PSG4: variants seen among roughly 807,000 people sequenced by gnomAD.
PSG4 encodes pregnancy specific beta-1-glycoprotein 4, also known as pregnancy-specific beta-1-glycoprotein 4.
A neutral mutation model predicts 44.3 loss-of-function variants in PSG4; 61 were observed. The ratio of observed to expected loss-of-function variants is 1.38; its 90% CI spans 1.12 to 1.70. PSG4 has a LOEUF of 1.70. Among genes scored for constraint, PSG4 ranks in the 40% most tolerant of loss-of-function variants. PSG4 has a pLI of 0.00. For missense variants in PSG4, 677 were observed against 511.7 expected, an observed-to-expected ratio of 1.32 and a Z score of -3.12; for synonymous variants, 248 against 191.3, an observed-to-expected ratio of 1.30 and a Z score of -2.45.
Position 43,195,115 on chromosome 19 carries a change from T to G in PSG4, c.868A>C (p.Ile290Leu), listed in dbSNP as rs1967181065. 1 of 1,610,762 alleles carries G rather than the reference T, an allele frequency of 6.2e-7. No homozygotes were observed. Among genetic ancestry groups the G allele is most frequent in the Non-Finnish European group, 8.5e-7 (1 of 1,179,080 alleles). The change falls in exon 4 of 6, where the codon ATT becomes CTT. Residue 290 changes from isoleucine to leucine, a missense_variant. Ile to Leu is a conservative substitution (Grantham distance 5). Transcript: ENST00000405312. ...GGTAGAATGAGGATCCTGTTTTCAA[T>G]GGGTCGCTTTACCCTGGGACTGACA... is the stretch of plus-strand genomic sequence containing the variant. ...LPVSPRVKRP[I>L]ENRILILPNV... is the part of the protein sequence containing the mutation.
chr19:43,203,787 A>T, intron 2 of PSG4, 99 bp downstream of exon 2: 2 of 1,525,822 alleles, frequency 1.3e-6, no homozygotes, highest in Non-Finnish European at 1.8e-6. Flanking sequence ...CTTAATGCAG[A>T]GAGGGACACA....
intron 5 of PSG4, 65 bp downstream of exon 5, chr19:43,194,275 C>T: frequency 6.2e-7 from 1 of 1,610,242 alleles, no homozygotes. Context: ...TTTCCTCACT[C>T]TTCCCTGAAT....
intron 3 of PSG4, chr19:43,196,371 G>GT (rs1441884857): frequency 1.3e-5 from 2 of 151,538 alleles, no homozygotes. Context: ...GTTATGCAAG[G>GT]TGGGGAGGTT....
At chr19:43,197,420 T>A (rs1398110208) in intron 3 of PSG4, among the ~76,000 whole-genome samples, 1 of 145,560 alleles carries the variant, frequency 6.9e-6, no homozygotes, top group Non-Finnish European at 1.5e-5. Flanking sequence ...TAAACCCCTC[T>A]ATATGTTTTA....
In PSG4 at chr19:43,195,225, T is replaced by A; in HGVS notation, c.758A>T (p.Glu253Val). 1 of 1,610,334 alleles carries A rather than the reference T, an allele frequency of 6.2e-7. No individual in the cohort carries two copies. The highest frequency in any genetic ancestry group is 8.5e-7 in the Non-Finnish European group (1 of 1,178,974). ...YITINNLNPR[E>V]NKDVLTFTCE... ...GGTGAAGGTTAAGACATCCTTATTC[T>A]CTCTGGGGTTTAAGTTGTTGATTGT... The change falls in exon 4 of 6, where the codon GAG becomes GTG. Residue 253 changes from glutamate (E) to valine (V), a missense_variant. Transcript: ENST00000405312.
rs1369462903 is a variant in PSG4, at chr19:43,201,808, T to C, written c.430+2078A>G. On this transcript the variant is annotated intron_variant, in intron 2 of 5. Coordinates refer to ENST00000405312, the MANE Select transcript of PSG4 (RefSeq NM_002780.5). ...AATCTTTCTTGACTAGAAACCAACATTTCAATAATTTTGTGTGTGTGTGTG... is the reference window on the plus strand; with the variant it reads ...AATCTTTCTTGACTAGAAACCAACACTTCAATAATTTTGTGTGTGTGTGTG... Among the ~76,000 whole-genome samples the C allele has an allele frequency of 1.5e-5, 2 of 129,746 alleles. 1 individual carries two copies. The highest frequency in any genetic ancestry group is 3.2e-5 in the Non-Finnish European group (2 of 62,866). 85.1% of individuals were successfully genotyped at this position (129,746 alleles called of 152,430 possible). A position where few individuals can be genotyped will look rare whatever the true frequency, so the allele number is the denominator to read the frequency against.
At position 43,192,959 on chromosome 19, in the gene PSG4, AG is replaced by A. The variant is rs1967079597; in HGVS notation, c.*412del. On this transcript the variant is annotated 3_prime_UTR_variant, in exon 6 of 6. Transcript: ENST00000405312. ...CATTTCCCCTGAGATGTTACGTAAAAGTTTGAGGTTGAGATGACATATCTGA... is the reference window on the plus strand; with the variant it reads ...CATTTCCCCTGAGATGTTACGTAAAATTTGAGGTTGAGATGACATATCTGA... 2.2e-6 allele frequency: 1 copy of A among 459,558 alleles called. No homozygotes were observed. Among genetic ancestry groups the A allele is most frequent in the Non-Finnish European group, 3.9e-6 (1 of 256,618 alleles). The allele number at this position is 459,558 out of a possible 1,614,324, so 28.5% of individuals were successfully genotyped here.
Position 43,194,390 on chromosome 19 carries a change from T to A in PSG4, c.1193A>T (p.Asn398Ile), listed in dbSNP as rs762172060. ...GGAGCTTTCCTTGCCAGTGGCTGAG[T>A]TACGAACAGAGCAAGCATAGAGCCC... ...HSGLYACSVR[N>I]SATGKESSKS... Residue 398 changes from asparagine to isoleucine, a missense_variant, in exon 5 of 6, where the codon AAC becomes ATC. Coordinates refer to ENST00000405312, the MANE Select transcript of PSG4 (RefSeq NM_002780.5). 3 of 1,612,430 alleles carry A rather than the reference T, an allele frequency of 1.9e-6. No homozygotes were observed. The highest frequency in any genetic ancestry group is 2.5e-6 in the Non-Finnish European group (3 of 1,179,100).
chr19:43,201,641 C>T (rs761115140), intron 2 of PSG4, among the ~76,000 whole-genome samples: 4 of 144,876 alleles, frequency 2.8e-5, no homozygotes, highest in Non-Finnish European at 4.5e-5. Flanking sequence ...CAAACAATCA[C>T]CAAAAAATGA....
Position 43,197,026 on chromosome 19 carries a change from A to G in PSG4, c.709+971T>C, listed in dbSNP as rs533998326. Among the ~76,000 whole-genome samples, 127 of 146,644 alleles carry G rather than the reference A, an allele frequency of 8.7e-4. 12 individuals are homozygous for G. The highest frequency in any genetic ancestry group is 3.0e-3 in the African/African-American group (115 of 38,610). Reference sequence around the variant, plus strand: ...TTAATTTCTTTCAGCAATGTTTTGTAGTTTTCAGGATATAATCATTTGACC... The same window carrying G: ...TTAATTTCTTTCAGCAATGTTTTGTGGTTTTCAGGATATAATCATTTGACC... On this transcript the variant is annotated intron_variant, in intron 3 of 5. Coordinates refer to ENST00000405312, the MANE Select transcript of PSG4 (RefSeq NM_002780.5).
chr19:43,199,402 C>A (rs1967405602), intron 2 of PSG4, among the ~76,000 whole-genome samples: 1 of 145,526 alleles, frequency 6.9e-6, no homozygotes, highest in South Asian at 2.2e-4. Context: ...TGTACAGCTT[C>A]ATGCCTATAG....
In PSG4 at chr19:43,195,120, C is replaced by A; in HGVS notation, c.863G>T (p.Arg288Leu). Reference protein sequence around the residue: ...QSLPVSPRVKRPIENRILILP... With the variant: ...QSLPVSPRVKLPIENRILILP... ...AATGAGGATCCTGTTTTCAATGGGTCGCTTTACCCTGGGACTGACAGGGAG... is the reference window on the plus strand; with the variant it reads ...AATGAGGATCCTGTTTTCAATGGGTAGCTTTACCCTGGGACTGACAGGGAG... Residue 288 changes from arginine to leucine, a missense_variant, in exon 4 of 6, where the codon CGA becomes CTA. Transcript: ENST00000405312. 2 of 1,610,632 alleles carry A rather than the reference C, an allele frequency of 1.2e-6. No homozygotes were observed. The highest frequency in any genetic ancestry group is 1.7e-6 in the Non-Finnish European group (2 of 1,179,060).
Position 43,198,499 on chromosome 19 carries a change from T to C in PSG4, c.431-224A>G, listed in dbSNP as rs1422312513. The C allele has an allele frequency of 2.3e-5, 19 of 839,516 alleles. 1 individual carries two copies. Among genetic ancestry groups the C allele is most frequent in the Middle Eastern group, 7.9e-4 (2 of 2,522 alleles). 52.0% of individuals were successfully genotyped at this position (839,516 alleles called of 1,614,324 possible). On this transcript the variant is annotated intron_variant, in intron 2 of 5. Coordinates refer to ENST00000405312, the MANE Select transcript of PSG4 (RefSeq NM_002780.5). Reference sequence around the variant, plus strand: ...AAGCACAGACTTTCTTAGGTGTGAATTGAGCAGCAGCATTGGGTCATGGAA... The same window carrying C: ...AAGCACAGACTTTCTTAGGTGTGAACTGAGCAGCAGCATTGGGTCATGGAA...
chr19:43,197,087 T>C (rs1224214608), intron 3 of PSG4, among the ~76,000 whole-genome samples: 6 of 146,060 alleles, frequency 4.1e-5, no homozygotes, highest in Non-Finnish European at 8.9e-5. Context: ...ATTTTATTCC[T>C]TTTGATGTTA....
At chr19:43,202,348 A>T (rs1967553277) in intron 2 of PSG4, among the ~76,000 whole-genome samples, 1 of 144,072 alleles carries the variant, frequency 6.9e-6, no homozygotes, top group Non-Finnish European at 1.5e-5. Context: ...TGGTGGCCAA[A>T]GAGCTTCAGA....
chr19:43,195,406 G>C lies in PSG4; in HGVS notation c.710-133C>G, dbSNP rs377314595. 121 of 1,422,034 alleles carry C rather than the reference G, an allele frequency of 8.5e-5. 3 individuals carry two copies. The South Asian group carries it at 1.5e-3, about 18-fold the overall frequency. The allele number at this position is 1,422,034 out of a possible 1,614,324, so 88.1% of individuals were successfully genotyped here. A position where few individuals can be genotyped will look rare whatever the true frequency, so the allele number is the denominator to read the frequency against. On this transcript the variant is annotated intron_variant, in intron 3 of 5. Transcript: ENST00000405312. The stretch of plus-strand genomic sequence containing the variant: ...TTGAAAGCCAATAGCTGGTGCTTCT[G>C]TCACAAGATAGATGCATGATGATCT...
chr19:43,195,527 C>T (rs1043024924), intron 3 of PSG4, among the ~76,000 whole-genome samples: 5 of 151,412 alleles, frequency 3.3e-5, no homozygotes, highest in African/African-American at 1.2e-4. Flanking sequence ...CATGGACAGA[C>T]ATATCAGTGG....
At chr19:43,203,595 T>C (rs1483774103) in intron 2 of PSG4, 4 of 425,122 alleles carry the variant, frequency 9.4e-6, no homozygotes, top group African/African-American at 8.9e-5. Context: ...CAGCGTCAAA[T>C]TTATGAAGAG....
Position 43,192,775 on chromosome 19 carries a change from A to G in PSG4, c.*597T>C, listed in dbSNP as rs1237957564. The G allele has an allele frequency of 5.5e-6, 1 of 183,402 alleles. No individual in the cohort carries two copies. The highest frequency in any genetic ancestry group is 2.4e-5 in the African/African-American group (1 of 42,196). The allele number at this position is 183,402 out of a possible 1,614,324, so 11.4% of individuals were successfully genotyped here. On this transcript the variant is annotated 3_prime_UTR_variant, in exon 6 of 6. Transcript: ENST00000405312. ...CACGTTTTACACTGTATCTCTTAGG[A>G]AATGGTGAGAGCCATCCACACAATG... is the stretch of plus-strand genomic sequence containing the variant.
Sources: allele counts gnomAD v4.1 joint callset (sites outside exome capture counted in the v4.1 genomes callset), GRCh38; gene constraint gnomAD v4.1.1; transcripts MANE v1.5; gene names NCBI Gene and HGNC (gene_info 2026-07-23, HGNC 2026-07-21).